Variants in DOCK2 observed in about 807,000 individuals in gnomAD.
DOCK2 encodes the protein dedicator of cytokinesis protein 2.
DOCK2 carries 87 observed loss-of-function variants against 248.9 expected under a neutral mutation model. The ratio of observed to expected loss-of-function variants is 0.35; its 90% CI spans 0.29 to 0.42. The LOEUF (loss-of-function observed/expected upper bound fraction) is 0.42. DOCK2 is among the 10% of genes least tolerant of loss of function. The pLI is 1.00. For missense variants in DOCK2, 1,747 were observed against 2,300.2 expected (o/e 0.76, Z 4.92); for synonymous variants, 805 against 821.6 (o/e 0.98, Z 0.35).
intron 22 of DOCK2, among the ~76,000 whole-genome samples, chr5:169,742,131 A>T (rs1002505113): frequency 3.3e-5 from 5 of 152,006 alleles, no homozygotes; most frequent in African/African-American, 1.2e-4. Context: ...ACTCATTTTT[A>T]TCTGCAGTGT....
chr5:169,703,489 G>A (rs1304083170), intron 14 of DOCK2, among the ~76,000 whole-genome samples: 2 of 152,098 alleles, frequency 1.3e-5, no homozygotes, highest in East Asian at 3.8e-4. Flanking sequence ...CTGGTTCCAG[G>A]CCCTCTGAGA....
chr5:169,921,905 C>T (rs988564667), intron 27 of DOCK2, among the ~76,000 whole-genome samples: 1 of 152,028 alleles, frequency 6.6e-6, no homozygotes, highest in Non-Finnish European at 1.5e-5. Context: ...TGTGATAGCC[C>T]CTTGACAGTA....
intron 22 of DOCK2, among the ~76,000 whole-genome samples, chr5:169,727,149 A>G (rs1200845881): frequency 6.6e-6 from 1 of 152,166 alleles, no homozygotes; most frequent in Non-Finnish European, 1.5e-5. Context: ...AATTCTAAAT[A>G]CAATCTGTGA....
At position 169,931,134 on chromosome 5, in the gene DOCK2, A is replaced by G. The variant is rs538323285; in HGVS notation, c.2800-51934A>G. 2.0e-5 allele frequency among the ~76,000 whole-genome samples: 3 copies of G among 152,312 alleles called. No individual in the cohort carries two copies. In the East Asian group the frequency reaches 5.8e-4, roughly 29 times the overall value. ...ACTAATGATGCTACTAACACCCTTG[A>G]TCTTAGGATTAAGCATTGTCTGGGA... On this transcript the variant is annotated intron_variant, in intron 27 of 51. Transcript: ENST00000520908.
At chr5:169,766,189 T>C (rs1488548169) in intron 25 of DOCK2, among the ~76,000 whole-genome samples, 1 of 152,160 alleles carries the variant, frequency 6.6e-6, no homozygotes, top group Non-Finnish European at 1.5e-5. Flanking sequence ...CGCATAGACC[T>C]GATAGGCAGT....
intron 13 of DOCK2, among the ~76,000 whole-genome samples, chr5:169,701,119 A>G (rs1487016917): frequency 2.0e-5 from 3 of 152,170 alleles, no homozygotes; most frequent in African/African-American, 4.8e-5. Context: ...GAAATAACCA[A>G]TTCACTCTGT....
intron 11 of DOCK2, among the ~76,000 whole-genome samples, chr5:169,698,981 G>A (rs1365427072): frequency 6.6e-6 from 1 of 152,020 alleles, no homozygotes; most frequent in African/African-American, 2.4e-5. Flanking sequence ...CAGAAAGCAG[G>A]GCTCCAGTTT....
intron 25 of DOCK2, among the ~76,000 whole-genome samples, chr5:169,800,082 G>A (rs1766875802): frequency 6.6e-6 from 1 of 152,144 alleles, no homozygotes; most frequent in Non-Finnish European, 1.5e-5. Context: ...TGCAATTATA[G>A]GAGTGAGCTA....
At chr5:170,020,745 T>A (rs900491650) in intron 33 of DOCK2, among the ~76,000 whole-genome samples, 3 of 152,226 alleles carry the variant, frequency 2.0e-5, no homozygotes, top group African/African-American at 7.2e-5. Context: ...CACCAGTATC[T>A]CCCAGTAATA....
intron 4 of DOCK2, 147 bp from the exon 5 acceptor site, chr5:169,670,931 A>G (rs1759017622): frequency 1.5e-6 from 1 of 654,318 alleles, no homozygotes; most frequent in Non-Finnish European, 2.7e-6. Context: ...TATTTGCATA[A>G]TGTAGTTGGT....
chr5:169,866,035 C>T lies in DOCK2; in HGVS notation c.2799+25183C>T, dbSNP rs568573038. Among the ~76,000 whole-genome samples the T allele has an allele frequency of 4.0e-5, 6 of 149,012 alleles. No individual in the cohort carries two copies. In the East Asian group the frequency reaches 7.8e-4, roughly 19 times the overall value. On this transcript the variant is annotated intron_variant, in intron 27 of 51. Coordinates refer to ENST00000520908, the MANE Select transcript of DOCK2 (RefSeq NM_004946.3). ...AGGCAGGGCTGAAGAGTCAGAGGGG[C>T]GAGGGGGCCTGTTTTATAGCAAGAC...
intron 22 of DOCK2, among the ~76,000 whole-genome samples, chr5:169,746,272 G>T (rs980261689): frequency 6.6e-6 from 1 of 152,084 alleles, no homozygotes; most frequent in Non-Finnish European, 1.5e-5. Flanking sequence ...AACAGAAGAG[G>T]CACACACTTA....
intron 27 of DOCK2, among the ~76,000 whole-genome samples, chr5:169,874,774 G>A (rs1448948279): frequency 6.6e-6 from 1 of 152,154 alleles, no homozygotes; most frequent in African/African-American, 2.4e-5. Context: ...AGGCCTGAGG[G>A]ACTGAGAGAG....
At chr5:170,017,402 C>A (rs954270578) in intron 32 of DOCK2, among the ~76,000 whole-genome samples, 5 of 152,120 alleles carry the variant, frequency 3.3e-5, no homozygotes, top group African/African-American at 1.2e-4. Flanking sequence ...AATATGCTGA[C>A]CCTCACTTCC....
intron 27 of DOCK2, chr5:169,883,131 G>A: frequency 6.4e-7 from 1 of 1,551,648 alleles, no homozygotes; most frequent in Admixed American, 2.0e-5. Context: ...TTAAGCAGGA[G>A]GTGGATTTTT....
At chr5:169,681,633 A>C in intron 6 of DOCK2, 111 bp from the exon 7 acceptor site, 1 of 1,306,620 alleles carries the variant, frequency 7.7e-7, no homozygotes, top group Non-Finnish European at 1.0e-6. Context: ...GAGCTCTTCT[A>C]TGTGACTATA....
At chr5:169,821,949 A>G (rs1768475920) in intron 26 of DOCK2, among the ~76,000 whole-genome samples, 1 of 152,246 alleles carries the variant, frequency 6.6e-6, no homozygotes, top group Non-Finnish European at 1.5e-5. Context: ...GGAAAACAAA[A>G]AAAGGCAGAG....
chr5:169,657,982 C>T (rs976557667), intron 2 of DOCK2, among the ~76,000 whole-genome samples: 2 of 151,996 alleles, frequency 1.3e-5, no homozygotes, highest in African/African-American at 4.8e-5. Context: ...TAATAGCTAA[C>T]TCAATGACAT....
chr5:170,047,382 A>G, intron 39 of DOCK2, 128 bp from the exon 40 acceptor site: 3 of 698,874 alleles, frequency 4.3e-6, no homozygotes, highest in East Asian at 5.4e-5. Context: ...CATAGCACAG[A>G]TATGTAAATA....
Sources: gnomAD v4.1 joint callset for allele counts (sites outside exome capture counted in the v4.1 genomes callset) on GRCh38, gnomAD v4.1.1 for gene constraint, MANE v1.5 for transcripts, NCBI Gene and HGNC (gene_info 2026-07-23, HGNC 2026-07-21) for gene names.